DNAAF9: variants seen among roughly 807,000 people sequenced by gnomAD.
DNAAF9 encodes the protein dynein axonemal assembly factor 9.
In DNAAF9, 90 loss-of-function variants were observed where a neutral mutation model predicts 167.0. The observed-to-expected ratio is 0.54, with a 90% CI of 0.45 to 0.64. The LOEUF (loss-of-function observed/expected upper bound fraction) is 0.64, where lower values mean the gene tolerates loss of function less well. DNAAF9 is among the 30% of genes least tolerant of loss of function. DNAAF9 has a pLI of 0.00. For missense variants in DNAAF9, 1,315 were observed against 1,442.2 expected, an observed-to-expected ratio of 0.91 and a Z score of 1.43; for synonymous variants, 491 against 508.8, an observed-to-expected ratio of 0.96 and a Z score of 0.47.
chr20:3,269,380 TA>T (rs1167892418), intron 30 of DNAAF9, among the ~76,000 whole-genome samples: 2 of 152,036 alleles, frequency 1.3e-5, no homozygotes, highest in Admixed American at 6.6e-5. Flanking sequence ...GCTGTTTTTT[TA>T]AAAAACTGTT....
At chr20:3,317,392 A>G (rs1449861171) in intron 17 of DNAAF9, among the ~76,000 whole-genome samples, 2 of 151,034 alleles carry the variant, frequency 1.3e-5, no homozygotes, top group Non-Finnish European at 2.9e-5. Context: ...CCCCAAAACC[A>G]AGAAACAAAA....
intron 1 of DNAAF9, among the ~76,000 whole-genome samples, chr20:3,390,326 A>C (rs1790816471): frequency 6.6e-6 from 1 of 152,086 alleles, no homozygotes; most frequent in African/African-American, 2.4e-5. Context: ...AAACTGTGGA[A>C]TCTATCTGGT....
chr20:3,336,967 C>T (rs968720214), intron 10 of DNAAF9, among the ~76,000 whole-genome samples: 1 of 150,734 alleles, frequency 6.6e-6, no homozygotes, highest in East Asian at 2.0e-4. Flanking sequence ...GCAAGCTCCG[C>T]CTCCCGGGTT....
At chr20:3,372,673 G>A (rs1185531422) in intron 6 of DNAAF9, among the ~76,000 whole-genome samples, 1 of 152,192 alleles carries the variant, frequency 6.6e-6, no homozygotes, top group Admixed American at 6.5e-5. Context: ...CAGTGGTTAG[G>A]AGCACAGGCT....
Position 3,259,470 on chromosome 20 carries a change from C to T in DNAAF9, c.3055+10G>A, listed in dbSNP as rs1483220051. 5 of 1,444,712 alleles carry T rather than the reference C, an allele frequency of 3.5e-6. No homozygotes were observed. The highest frequency in any genetic ancestry group is 3.3e-5 in the African/African-American group (2 of 61,164). 89.5% of individuals were successfully genotyped at this position (1,444,712 alleles called of 1,614,324 possible). Reference sequence around the variant, plus strand: ...TGGTGTAGAGCTCCCAAATCCCAGCCCCTGGTTACCTGAAAACTTCACTTT... The same window carrying T: ...TGGTGTAGAGCTCCCAAATCCCAGCTCCTGGTTACCTGAAAACTTCACTTT... On this transcript the variant is annotated intron_variant, in intron 33 of 36. Coordinates refer to ENST00000252032, the MANE Select transcript of DNAAF9 (RefSeq NM_001009984.3).
intron 10 of DNAAF9, among the ~76,000 whole-genome samples, chr20:3,339,896 T>C (rs896138652): frequency 6.6e-6 from 1 of 152,042 alleles, no homozygotes; most frequent in Non-Finnish European, 1.5e-5. Context: ...TCTCAAAAAA[T>C]AAACAAACAA....
chr20:3,382,260 T>C (rs141390413), intron 2 of DNAAF9, among the ~76,000 whole-genome samples, 167 bp downstream of exon 2: 3 of 152,242 alleles, frequency 2.0e-5, no homozygotes, highest in East Asian at 1.9e-4. Flanking sequence ...ATCTCACTGA[T>C]AGCTCATCTA....
intron 1 of DNAAF9, among the ~76,000 whole-genome samples, chr20:3,406,925 T>C (rs2084066962): frequency 6.6e-6 from 1 of 151,774 alleles, no homozygotes; most frequent in Non-Finnish European, 1.5e-5. Context: ...CGGGGGACAC[T>C]CTTTAAGGAA....
chr20:3,330,501 G>A (rs529272481), intron 12 of DNAAF9, 145 bp downstream of exon 12: 21 of 582,246 alleles, frequency 3.6e-5, no homozygotes, highest in African/African-American at 2.0e-4. Context: ...CTCAGCTTCC[G>A]AAAATGTTGG....
chr20:3,281,507 G>T, intron 28 of DNAAF9, 134 bp downstream of exon 28: 1 of 720,850 alleles, frequency 1.4e-6, no homozygotes, highest in Non-Finnish European at 2.1e-6. Flanking sequence ...GGGGTCTATT[G>T]AGGACCTAGC....
intron 35 of DNAAF9, among the ~76,000 whole-genome samples, 188 bp downstream of exon 35, chr20:3,255,031 T>G (rs2068254194): frequency 6.6e-6 from 1 of 152,228 alleles, no homozygotes; most frequent in Non-Finnish European, 1.5e-5. Context: ...AGAGGTCTCC[T>G]GTGCCCTCCT....
intron 1 of DNAAF9, among the ~76,000 whole-genome samples, chr20:3,398,981 C>A (rs2083947049): frequency 6.6e-6 from 1 of 152,162 alleles, no homozygotes. Context: ...TGACCAATGA[C>A]CATAAGGTGA....
rs1162515372 is a variant in DNAAF9, at chr20:3,407,640, G to T, written c.-83C>A. On this transcript the variant is annotated 5_prime_UTR_variant, in exon 1 of 37. Transcript: ENST00000252032. ...CGCAGGGCGGCTCCACGCTAGCTGC[G>T]GCCGGGCGGGGCGGCAGGGCGTGCC... 1.7e-6 allele frequency: 2 copies of T among 1,157,452 alleles called. No individual in the cohort carries two copies. Among genetic ancestry groups the T allele is most frequent in the East Asian group, 3.9e-5 (1 of 25,418 alleles). The allele number at this position is 1,157,452 out of a possible 1,614,324, so 71.7% of individuals were successfully genotyped here. A position where few individuals can be genotyped will look rare whatever the true frequency, so the allele number is the denominator to read the frequency against.
rs1162480696 is a variant in DNAAF9 at position 3,331,020 on chromosome 20, G to A, written c.1064-338C>T. Among the ~76,000 whole-genome samples, 8 of 152,038 alleles carry A rather than the reference G, an allele frequency of 5.3e-5. 1 individual carries two copies. The highest frequency in any genetic ancestry group is 2.1e-4 in the South Asian group (1 of 4,828). The stretch of plus-strand genomic sequence containing the variant: ...TTGGCCAGGCTGGTCTCAAACTCCT[G>A]ACCTCAAGTGATCCACCCACCTCAG... On this transcript the variant is annotated intron_variant, in intron 11 of 36. Coordinates refer to ENST00000252032, the MANE Select transcript of DNAAF9 (RefSeq NM_001009984.3).
At chr20:3,274,248 T>G (rs199801247) in intron 29 of DNAAF9, among the ~76,000 whole-genome samples, 1 of 152,126 alleles carries the variant, frequency 6.6e-6, no homozygotes, top group East Asian at 1.9e-4. Context: ...GTTCAAGTGA[T>G]TCTCCTGCCT....
At chr20:3,269,819 G>A (rs1018088400) in intron 30 of DNAAF9, among the ~76,000 whole-genome samples, 2 of 152,038 alleles carry the variant, frequency 1.3e-5, no homozygotes, top group South Asian at 2.1e-4. Context: ...TTAGCCGGGC[G>A]TGGTGGCGGG....
intron 25 of DNAAF9, among the ~76,000 whole-genome samples, chr20:3,290,602 T>C (rs1049511361): frequency 6.6e-6 from 1 of 152,108 alleles, no homozygotes. Context: ...CATTCAGGGA[T>C]ATTATGACTT....
intron 4 of DNAAF9, among the ~76,000 whole-genome samples, chr20:3,375,644 A>G (rs1053369094): frequency 1.3e-5 from 2 of 152,084 alleles, no homozygotes; most frequent in Admixed American, 1.3e-4. Context: ...CGGATCACCT[A>G]AAGTCAGGAG....
chr20:3,402,976 G>A (rs542360161), intron 1 of DNAAF9, among the ~76,000 whole-genome samples: 1 of 152,280 alleles, frequency 6.6e-6, no homozygotes, highest in African/African-American at 2.4e-5. Context: ...TCTAAGGAAT[G>A]TATTTATTTT....
Sources: allele counts gnomAD v4.1 joint callset (sites outside exome capture counted in the v4.1 genomes callset), GRCh38; gene constraint gnomAD v4.1.1; transcripts MANE v1.5; gene names NCBI Gene and HGNC (gene_info 2026-07-23, HGNC 2026-07-21).